RIPOR2: variants seen among roughly 807,000 people sequenced by gnomAD.
RIPOR2 encodes the protein rho family-interacting cell polarization regulator 2.
A neutral mutation model predicts 114.5 loss-of-function variants in RIPOR2; 39 were observed. That is an observed-to-expected ratio of 0.34 (90% CI 0.26 to 0.44). RIPOR2 has a LOEUF of 0.44. RIPOR2 is among the 20% of genes least tolerant of loss of function. The probability of loss-of-function intolerance (pLI) is 1.00; values close to 1 mark genes in which losing one functional copy is unlikely to be tolerated. For missense variants in RIPOR2, 1,007 were observed against 1,255.1 expected (o/e 0.80, Z 2.99); for synonymous variants, 445 against 484.4 (o/e 0.92, Z 1.07).
intron 3 of RIPOR2, among the ~76,000 whole-genome samples, chr6:24,873,432 A>G (rs1360438366): frequency 1.3e-5 from 2 of 152,250 alleles, no homozygotes; most frequent in African/African-American, 4.8e-5. Flanking sequence ...AATACTGCAC[A>G]GGGTTCCAGG....
At chr6:24,851,768 G>A (rs1407435697) in intron 9 of RIPOR2, among the ~76,000 whole-genome samples, 1 of 150,820 alleles carries the variant, frequency 6.6e-6, no homozygotes, top group Non-Finnish European at 1.5e-5. Flanking sequence ...AAAAAAACCT[G>A]CTTACCTAGT....
intron 1 of RIPOR2, among the ~76,000 whole-genome samples, chr6:25,035,120 A>G (rs1777177677): frequency 6.6e-6 from 1 of 152,212 alleles, no homozygotes. Context: ...TAATTGGCAG[A>G]GCTGTTGGTA....
chr6:24,852,556 A>G lies in RIPOR2; in HGVS notation c.759+19T>C. On this transcript the variant is annotated intron_variant, in intron 9 of 21. Transcript: ENST00000643898. ...CTTCAGGTCCATAATTCCAGCACCT[A>G]GACCAAGACAATACTTACTTCATAT... is the stretch of plus-strand genomic sequence containing the variant. The G allele has an allele frequency of 1.2e-6, 2 of 1,604,236 alleles. No homozygotes were observed. Among genetic ancestry groups the G allele is most frequent in the Non-Finnish European group, 1.7e-6 (2 of 1,171,886 alleles).
chr6:25,004,103 A>G (rs4712877), intron 1 of RIPOR2, among the ~76,000 whole-genome samples: 151,504 of 152,294 alleles, frequency 0.99, 75,362 homozygotes, highest in East Asian at 1. Context: ...TGGTTGTGAC[A>G]TGTTCATTGT....
intron 13 of RIPOR2, chr6:24,840,083 G>A: frequency 1.4e-6 from 1 of 704,206 alleles, no homozygotes; most frequent in Non-Finnish European, 1.7e-6. Context: ...CCAGGTAGCT[G>A]AGACCACAGG....
chr6:24,887,572 G>C (rs2113954905), intron 1 of RIPOR2, among the ~76,000 whole-genome samples: 2 of 152,316 alleles, frequency 1.3e-5, no homozygotes, highest in South Asian at 4.1e-4. Context: ...ACATTTTACA[G>C]GTGAAGAAAC....
intron 1 of RIPOR2, among the ~76,000 whole-genome samples, chr6:24,981,304 C>G (rs1774284090): frequency 6.6e-6 from 1 of 152,196 alleles, no homozygotes; most frequent in Non-Finnish European, 1.5e-5. Context: ...AGCATTAATT[C>G]TTGCTTACCC....
intron 1 of RIPOR2, among the ~76,000 whole-genome samples, chr6:24,984,453 A>C (rs1273132288): frequency 6.6e-6 from 1 of 152,220 alleles, no homozygotes; most frequent in Admixed American, 6.5e-5. Flanking sequence ...TACATTAGAC[A>C]AATTACTCAC....
At chr6:25,031,752 A>T (rs1217183633) in intron 1 of RIPOR2, among the ~76,000 whole-genome samples, 10 of 109,366 alleles carry the variant, frequency 9.1e-5, no homozygotes, top group Non-Finnish European at 1.7e-4. Context: ...TATATATATA[A>T]AATATCCATA....
chr6:24,870,220 C>T (rs1884159), intron 5 of RIPOR2, among the ~76,000 whole-genome samples: 61,594 of 151,938 alleles, frequency 0.41, 13,096 homozygotes, highest in African/African-American at 0.55. Flanking sequence ...ATTTTCTAAT[C>T]AACAATGACT....
chr6:24,921,080 C>T (rs1196065444), intron 1 of RIPOR2, among the ~76,000 whole-genome samples: 2 of 152,202 alleles, frequency 1.3e-5, no homozygotes, highest in African/African-American at 4.8e-5. Context: ...CTCCCCATCT[C>T]ATAGAGTAAA....
chr6:24,819,288 C>T (rs1184641363), intron 19 of RIPOR2, among the ~76,000 whole-genome samples: 2 of 151,828 alleles, frequency 1.3e-5, no homozygotes, highest in African/African-American at 2.4e-5. Flanking sequence ...AGACATCTTA[C>T]GGAGTGCCAG....
At chr6:24,832,553 T>C (rs1458510275) in intron 15 of RIPOR2, among the ~76,000 whole-genome samples, 162 bp from the exon 16 acceptor site, 1 of 152,212 alleles carries the variant, frequency 6.6e-6, no homozygotes, top group Non-Finnish European at 1.5e-5. Context: ...AGTTACAACA[T>C]CTGATGAAAT....
At chr6:24,827,239 G>A (rs1760271910) in intron 18 of RIPOR2, among the ~76,000 whole-genome samples, 1 of 152,172 alleles carries the variant, frequency 6.6e-6, no homozygotes, top group Non-Finnish European at 1.5e-5. Flanking sequence ...TGCCTTGTAA[G>A]GGGTTATGCA....
At chr6:24,807,276 G>T (rs1411679325) in intron 21 of RIPOR2, among the ~76,000 whole-genome samples, 1 of 152,110 alleles carries the variant, frequency 6.6e-6, no homozygotes, top group Non-Finnish European at 1.5e-5. Flanking sequence ...AGACCAGCCT[G>T]ATCAACACAG....
intron 21 of RIPOR2, 42 bp downstream of exon 21, chr6:24,809,675 C>T: frequency 7.6e-7 from 1 of 1,308,410 alleles, no homozygotes; most frequent in South Asian, 1.3e-5. Flanking sequence ...TTAGAGAGTG[C>T]CAGAAGCAAA....
At chr6:25,019,799 GAAAAGAAAGAAAGA>G (rs1776223889) in intron 1 of RIPOR2, among the ~76,000 whole-genome samples, 1 of 108,364 alleles carries the variant, frequency 9.2e-6, no homozygotes, top group African/African-American at 3.6e-5. Flanking sequence ...AAAAAAAAAA[GAAAAGAAAGAAAGA>G]AAAAGAAAAA....
intron 19 of RIPOR2, among the ~76,000 whole-genome samples, chr6:24,820,113 A>T (rs1490141987): frequency 2.0e-5 from 3 of 151,674 alleles, no homozygotes; most frequent in Non-Finnish European, 4.4e-5. Context: ...GCTCACTGCA[A>T]CCTCCGCCTC....
chr6:24,848,131 G>T lies in RIPOR2; in HGVS notation c.1058C>A (p.Thr353Asn), dbSNP rs1762506859. 1.9e-6 allele frequency: 3 copies of T among 1,613,614 alleles called. No homozygotes were observed. Among genetic ancestry groups the T allele is most frequent in the African/African-American group, 2.7e-5 (2 of 75,024 alleles). ...TWYPFDVEDM[T>N]ASSGAGNKAA... ...CTTGTTCCCAGCGCCTGAGGATGCG[G>T]TCATGTCCTCCACGTCAAATGGACT... Residue 353 changes from threonine to asparagine, a missense_variant, in exon 12 of 22, where the codon ACC becomes AAC. By Grantham distance (65) the Thr-to-Asn change is moderately conservative (BLOSUM62 0). Transcript: ENST00000643898.
Sources: gnomAD v4.1 joint callset for allele counts (sites outside exome capture counted in the v4.1 genomes callset) on GRCh38, gnomAD v4.1.1 for gene constraint, MANE v1.5 for transcripts, NCBI Gene and HGNC (gene_info 2026-07-23, HGNC 2026-07-21) for gene names.